The following IL1RAPL2 variants were observed in gnomAD, a reference collection of about 807,000 sequenced individuals.
The protein encoded by IL1RAPL2 is X-linked interleukin-1 receptor accessory protein-like 2.
A neutral mutation model predicts 44.1 loss-of-function variants in IL1RAPL2; 3 were observed. The observed-to-expected ratio is 0.07, with a 90% CI of 0.03 to 0.18. IL1RAPL2 has a LOEUF of 0.18. Among genes scored for constraint, IL1RAPL2 ranks in the 10% least tolerant of loss-of-function variants. IL1RAPL2 has a pLI of 1.00. For synonymous variants in IL1RAPL2, 181 were observed against 178.8 expected, an observed-to-expected ratio of 1.01 and a Z score of -0.10; for missense variants, 391 against 496.4, an observed-to-expected ratio of 0.79 and a Z score of 2.02.
intron 2 of IL1RAPL2, among the ~76,000 whole-genome samples, chrX:104,694,764 A>AGG (rs751261296): frequency 8.9e-6 from 1 of 111,755 alleles, no homozygotes; most frequent in Non-Finnish European, 1.9e-5. Flanking sequence ...TGAGGGGGAA[A>AGG]GGGGGAGTGT....
chrX:105,243,097 T>A (rs1199920299), intron 4 of IL1RAPL2, among the ~76,000 whole-genome samples: 1 of 109,045 alleles, frequency 9.2e-6, no homozygotes, highest in African/African-American at 3.3e-5. Flanking sequence ...AGACTTCATC[T>A]CAAAAAAAAA....
intron 6 of IL1RAPL2, among the ~76,000 whole-genome samples, chrX:105,601,795 C>A (rs975714395): frequency 9.0e-6 from 1 of 111,070 alleles, no homozygotes; most frequent in Non-Finnish European, 1.9e-5. Flanking sequence ...ATCACCACAT[C>A]CTGTGACCCC....
chrX:105,741,323 C>T lies in IL1RAPL2; in HGVS notation c.1048+632C>T, dbSNP rs767539944. On this transcript the variant is annotated intron_variant, in intron 8 of 10. Coordinates refer to ENST00000372582, the MANE Select transcript of IL1RAPL2 (RefSeq NM_017416.2). ...ATAAAGGAGATAAAAAACAGATATA[C>T]GAACAACAAACAATCTCAGCAGCTA... 9.9e-5 allele frequency among the ~76,000 whole-genome samples: 11 copies of T among 111,669 alleles called. No homozygotes were observed. The South Asian group carries it at 3.0e-3, about 30-fold the overall frequency.
chrX:104,901,199 CTTTTTTTTTTTTTTTTTT>C (rs1194148816), intron 2 of IL1RAPL2, among the ~76,000 whole-genome samples: 1 of 32,119 alleles, frequency 3.1e-5, no homozygotes, highest in African/African-American at 1.3e-4. Context: ...TCTTTTGCTT[CTTTTTTTTTTTTTTTTTT>C]TTTTTTTTTT....
chrX:105,126,505 A>G (rs868407150), intron 2 of IL1RAPL2, among the ~76,000 whole-genome samples: 6 of 111,226 alleles, frequency 5.4e-5, no homozygotes, highest in African/African-American at 1.9e-4. Flanking sequence ...TTTGTTTACT[A>G]TGTTCCTTTT....
intron 2 of IL1RAPL2, among the ~76,000 whole-genome samples, chrX:105,093,903 T>C (rs2032574174): frequency 9.0e-6 from 1 of 111,492 alleles, no homozygotes. Context: ...ACACATCTCC[T>C]AGGACCCTTA....
intron 2 of IL1RAPL2, among the ~76,000 whole-genome samples, chrX:105,005,263 A>G (rs949010788): frequency 1.8e-5 from 2 of 111,568 alleles, no homozygotes; most frequent in Non-Finnish European, 3.8e-5. Context: ...TGCTTCGTAT[A>G]GGGTAGTGCT....
intron 2 of IL1RAPL2, among the ~76,000 whole-genome samples, chrX:104,661,868 G>A (rs1010123250): frequency 3.6e-5 from 4 of 111,354 alleles, no homozygotes; most frequent in Non-Finnish European, 5.7e-5. Flanking sequence ...CTTCCCTCAA[G>A]TCAAGAAATG....
chrX:104,902,074 T>A lies in IL1RAPL2; in HGVS notation c.82+243079T>A, dbSNP rs180764255. Reference sequence around the variant, plus strand: ...TAGCTGTTTGTTTCTATCAGCAGATTCTAGACCCAGAATAAAATCATATTT... The same window carrying A: ...TAGCTGTTTGTTTCTATCAGCAGATACTAGACCCAGAATAAAATCATATTT... On this transcript the variant is annotated intron_variant, in intron 2 of 10. Coordinates refer to ENST00000372582, the MANE Select transcript of IL1RAPL2 (RefSeq NM_017416.2). 3.6e-5 allele frequency among the ~76,000 whole-genome samples: 4 copies of A among 112,253 alleles called. No homozygotes were observed. In the East Asian group the frequency reaches 1.1e-3, roughly 31 times the overall value.
chrX:104,728,095 T>A, intron 2 of IL1RAPL2, among the ~76,000 whole-genome samples: 1 of 109,837 alleles, frequency 9.1e-6, no homozygotes, highest in Non-Finnish European at 1.9e-5. Context: ...AGCCCCTAAA[T>A]CTATAAAAAT....
chrX:104,669,476 C>G (rs1265435496), intron 2 of IL1RAPL2, among the ~76,000 whole-genome samples: 1 of 111,161 alleles, frequency 9.0e-6, no homozygotes, highest in Non-Finnish European at 1.9e-5. Flanking sequence ...ACAAACCACT[C>G]CATACGTTTC....
At chrX:105,081,104 C>A (rs976056444) in intron 2 of IL1RAPL2, among the ~76,000 whole-genome samples, 25 of 111,303 alleles carry the variant, frequency 2.2e-4, no homozygotes, top group African/African-American at 6.5e-4. Flanking sequence ...TTATCAGCTT[C>A]AGGAGATTTT....
intron 1 of IL1RAPL2, among the ~76,000 whole-genome samples, chrX:104,648,797 C>A (rs1046293374): frequency 9.0e-6 from 1 of 111,632 alleles, no homozygotes; most frequent in Non-Finnish European, 1.9e-5. Flanking sequence ...CCATATCCAG[C>A]TGCTAGGGAG....
chrX:105,729,917 G>T (rs1163169036), intron 7 of IL1RAPL2, among the ~76,000 whole-genome samples: 2 of 83,986 alleles, frequency 2.4e-5, no homozygotes, highest in Non-Finnish European at 4.5e-5. Flanking sequence ...AGGAAGGAAG[G>T]AAGGAGGGAG....
At chrX:105,707,633 A>G (rs2038175665) in intron 6 of IL1RAPL2, among the ~76,000 whole-genome samples, 1 of 111,759 alleles carries the variant, frequency 8.9e-6, no homozygotes, top group African/African-American at 3.2e-5. Flanking sequence ...TCTCCCACTT[A>G]CAATGTTTGT....
chrX:105,664,112 T>G (rs1337296085), intron 6 of IL1RAPL2, among the ~76,000 whole-genome samples: 1 of 111,955 alleles, frequency 8.9e-6, no homozygotes, highest in Non-Finnish European at 1.9e-5. Context: ...GGTTTGGTAA[T>G]TTTAGAAAGA....
chrX:105,037,069 A>T (rs2031642791), intron 2 of IL1RAPL2, among the ~76,000 whole-genome samples: 1 of 111,971 alleles, frequency 8.9e-6, no homozygotes, highest in Non-Finnish European at 1.9e-5. Context: ...TTGCAGACAT[A>T]AATTTTTTGA....
At chrX:105,043,660 A>G (rs2031794829) in intron 2 of IL1RAPL2, among the ~76,000 whole-genome samples, 1 of 111,065 alleles carries the variant, frequency 9.0e-6, no homozygotes, top group African/African-American at 3.3e-5. Flanking sequence ...CATAGTCAGT[A>G]TATCCTGAGG....
At chrX:104,657,002 G>C (rs1230785682) in intron 1 of IL1RAPL2, among the ~76,000 whole-genome samples, 2 of 110,515 alleles carry the variant, frequency 1.8e-5, no homozygotes, top group African/African-American at 6.6e-5. Context: ...TGCAACCCCT[G>C]CTTTTTTTTT....
Sources: gnomAD v4.1 joint callset for allele counts (sites outside exome capture counted in the v4.1 genomes callset) on GRCh38, gnomAD v4.1.1 for gene constraint, MANE v1.5 for transcripts, NCBI Gene and HGNC (gene_info 2026-07-23, HGNC 2026-07-21) for gene names.